Variants in NBEAL1 observed in about 807,000 individuals in gnomAD.
NBEAL1 encodes the protein neurobeachin like 1.
Under a neutral mutation model 351.3 loss-of-function variants are expected in NBEAL1, and 273 were observed. That is an observed-to-expected ratio of 0.78 (90% confidence interval 0.70 to 0.86). The LOEUF is 0.86. Among genes scored for constraint, NBEAL1 ranks in the 40% least tolerant of loss-of-function variants. The pLI is 0.00. For synonymous variants in NBEAL1, 1,050 were observed against 1,086.4 expected (o/e 0.97, Z 0.66); for missense variants, 2,961 against 3,201.3 (o/e 0.92, Z 1.81).
chr2:203,064,476 C>T (rs1055068205), intron 6 of NBEAL1, among the ~76,000 whole-genome samples: 5 of 152,174 alleles, frequency 3.3e-5, no homozygotes. Context: ...ATTAACTGAT[C>T]ATCAGTAAGA....
At chr2:203,148,753 T>C (rs2063572249) in intron 33 of NBEAL1, among the ~76,000 whole-genome samples, 1 of 151,878 alleles carries the variant, frequency 6.6e-6, no homozygotes, top group East Asian at 1.9e-4. Context: ...TTCACGTGTT[T>C]ATTGTTGGTT....
chr2:203,059,104 G>A (rs1031587306), intron 6 of NBEAL1, among the ~76,000 whole-genome samples: 2 of 152,018 alleles, frequency 1.3e-5, no homozygotes, highest in Non-Finnish European at 2.9e-5. Context: ...GCTTTTCAGG[G>A]TTCCCATGGT....
Position 203,125,496 on chromosome 2 carries a change from G to A in NBEAL1, c.2827G>A (p.Val943Ile), listed in dbSNP as rs918594750. 2.8e-5 allele frequency: 43 copies of A among 1,517,518 alleles called. No individual in the cohort carries two copies. The highest frequency in any genetic ancestry group is 3.2e-5 in the Non-Finnish European group (36 of 1,133,718). 94.0% of individuals were successfully genotyped at this position (1,517,518 alleles called of 1,614,324 possible). The change falls in exon 20 of 56, where the codon GTA (valine) becomes ATA (isoleucine). Residue 943 changes from valine to isoleucine, a missense_variant. Coordinates refer to ENST00000683969, the MANE Select transcript of NBEAL1 (RefSeq NM_001378026.1). Reference sequence around the variant, plus strand: ...AACACCTGTTGAAGGAGATTGGCTCGTATGGACTTCCACAAAGGCCTCAGG... The same window carrying A: ...AACACCTGTTGAAGGAGATTGGCTCATATGGACTTCCACAAAGGCCTCAGG... ...SVTPVEGDWLVWTSTKASESR... is the reference protein window; with the variant it reads ...SVTPVEGDWLIWTSTKASESR...
chr2:203,189,747 T>G (rs1199996414), intron 45 of NBEAL1, among the ~76,000 whole-genome samples: 1 of 152,074 alleles, frequency 6.6e-6, no homozygotes, highest in Non-Finnish European at 1.5e-5. Context: ...TTTAGCTAAT[T>G]TTTATATATA....
At chr2:203,033,961 C>T (rs751548865) in intron 2 of NBEAL1, among the ~76,000 whole-genome samples, 12 of 152,086 alleles carry the variant, frequency 7.9e-5, no homozygotes, top group Non-Finnish European at 1.5e-4. Context: ...ACCCCCCCAC[C>T]CTTGACAGAA....
intron 27 of NBEAL1, among the ~76,000 whole-genome samples, chr2:203,133,349 G>T (rs192601477): frequency 1.3e-5 from 2 of 151,832 alleles, no homozygotes; most frequent in Non-Finnish European, 2.9e-5. Context: ...TTAGTTCTTC[G>T]TGGTCTCCTG....
At chr2:203,068,608 A>T in intron 7 of NBEAL1, 133 bp downstream of exon 7, 1 of 475,564 alleles carries the variant, frequency 2.1e-6, no homozygotes, top group Admixed American at 3.9e-5. Flanking sequence ...ATGTCACTGG[A>T]GTAAGCTACA....
chr2:203,188,675 A>G, intron 45 of NBEAL1, 86 bp downstream of exon 45: 1 of 699,874 alleles, frequency 1.4e-6, no homozygotes, highest in Non-Finnish European at 2.3e-6. Context: ...AAGCCTATTT[A>G]ATATCAGAAA....
intron 39 of NBEAL1, 24 bp from the exon 40 acceptor site, chr2:203,171,904 A>G: frequency 7.2e-7 from 1 of 1,397,082 alleles, no homozygotes; most frequent in South Asian, 1.3e-5. Context: ...AAATTTTGAT[A>G]TTGCTCTTTT....
At chr2:203,213,752 C>CA (rs1320748673) in intron 55 of NBEAL1, 99 bp downstream of exon 55, 1 of 1,540,348 alleles carries the variant, frequency 6.5e-7, no homozygotes, top group Non-Finnish European at 8.7e-7. Flanking sequence ...TAGGGATAAA[C>CA]AAATTAAAAG....
chr2:203,172,758 G>T lies in NBEAL1; in HGVS notation c.6228G>T (p.Ser2076=), dbSNP rs199575214. The part of the protein sequence containing the change: ...VFPWILQDYT[S]EELDLNNPAV... The stretch of plus-strand genomic sequence containing the variant: ...CCTGGATTTTACAAGATTATACTTC[G>T]GAAGAGTTGGACCTTAATAACCCTG... The change falls in exon 41 of 56, where the codon TCG becomes TCT. Residue 2076 remains serine, a synonymous_variant. Coordinates refer to ENST00000683969, the MANE Select transcript of NBEAL1 (RefSeq NM_001378026.1). 6.2e-7 allele frequency: 1 copy of T among 1,609,160 alleles called. No homozygotes were observed. The highest frequency in any genetic ancestry group is 1.1e-5 in the South Asian group (1 of 90,130).
intron 53 of NBEAL1, 67 bp downstream of exon 53, chr2:203,209,389 A>G (rs2065709091): frequency 8.5e-7 from 1 of 1,175,628 alleles, no homozygotes; most frequent in East Asian, 2.4e-5. Flanking sequence ...CACATTATAG[A>G]TGAGGTTTAT....
intron 3 of NBEAL1, among the ~76,000 whole-genome samples, chr2:203,043,299 C>G (rs2061172796): frequency 6.6e-6 from 1 of 152,140 alleles, no homozygotes; most frequent in Non-Finnish European, 1.5e-5. Context: ...AGTTCCATAC[C>G]ATTTCCCAGG....
At chr2:203,101,975 C>T (rs143444016) in intron 12 of NBEAL1, among the ~76,000 whole-genome samples, 9 of 152,168 alleles carry the variant, frequency 5.9e-5, no homozygotes, top group African/African-American at 9.7e-5. Flanking sequence ...GGTGTCATCT[C>T]GGATTTCTTT....
At position 203,093,465 on chromosome 2, in the gene NBEAL1, A is replaced by T. The variant is rs2106193184; in HGVS notation, c.1099-4082A>T. Among the ~76,000 whole-genome samples, 4 of 152,296 alleles carry T rather than the reference A, an allele frequency of 2.6e-5. 1 individual carries two copies. The South Asian group carries it at 8.3e-4, about 32-fold the overall frequency. On this transcript the variant is annotated intron_variant, in intron 10 of 55. Coordinates refer to ENST00000683969, the MANE Select transcript of NBEAL1 (RefSeq NM_001378026.1). Reference sequence around the variant, plus strand: ...TAGGCCAAAGTTTATTAAAATTTACATCCGGAATCATGACCTTTAAAAGTT... The same window carrying T: ...TAGGCCAAAGTTTATTAAAATTTACTTCCGGAATCATGACCTTTAAAAGTT...
chr2:203,099,505 C>G (rs2062261723), intron 11 of NBEAL1, 124 bp from the exon 12 acceptor site: 1 of 573,090 alleles, frequency 1.7e-6, no homozygotes, highest in Non-Finnish European at 3.0e-6. Flanking sequence ...TCCATTTCAT[C>G]AGAAGAGGAA....
intron 55 of NBEAL1, chr2:203,213,905 A>C (rs1575141253): frequency 1.9e-6 from 1 of 522,306 alleles, no homozygotes; most frequent in African/African-American, 2.1e-5. Flanking sequence ...TTTCTTCCAA[A>C]TCTAGATTCA....
rs199629983 is a variant in NBEAL1 at position 203,149,025 on chromosome 2, G to A, written c.5339G>A (p.Arg1780His). The change falls in exon 34 of 56, where the codon CGC (arginine) becomes CAC (histidine). Residue 1780 changes from arginine to histidine, a missense_variant. Coordinates refer to ENST00000683969, the MANE Select transcript of NBEAL1 (RefSeq NM_001378026.1). ...LFVEPFNRKA[R>H]QENLRYNNML... is the part of the protein sequence containing the mutation. The stretch of plus-strand genomic sequence containing the variant: ...GTGGAGCCATTTAATCGAAAAGCAC[G>A]CCAAGAGAACCTGAGGTATAATAAT... The A allele has an allele frequency of 1.2e-3, 1,973 of 1,609,884 alleles. 3 individuals carry two copies. Among genetic ancestry groups the A allele is most frequent in the Admixed American group, 2.1e-3 (126 of 59,700 alleles).
At chr2:203,138,817 A>C in intron 31 of NBEAL1, 69 bp downstream of exon 31, 1 of 1,407,090 alleles carries the variant, frequency 7.1e-7, no homozygotes, top group Non-Finnish European at 9.4e-7. Context: ...GTAACAAGCC[A>C]GTTAAAATGT....
Sources: allele counts gnomAD v4.1 joint callset (sites outside exome capture counted in the v4.1 genomes callset), GRCh38; gene constraint gnomAD v4.1.1; transcripts MANE v1.5; gene names NCBI Gene and HGNC (gene_info 2026-07-23, HGNC 2026-07-21).